Variants in HTRA3 observed in about 807,000 individuals in gnomAD.
HTRA3 encodes serine protease HTRA3.
In HTRA3, 41 loss-of-function variants were observed where a neutral mutation model predicts 43.2. The ratio of observed to expected loss-of-function variants is 0.95; its 90% confidence interval spans 0.74 to 1.23. HTRA3 has a LOEUF of 1.23. HTRA3 is among the 50% of genes most tolerant of loss of function. The probability of loss-of-function intolerance (pLI) is 0.00; values close to 1 mark genes in which losing one functional copy is unlikely to be tolerated. For synonymous variants in HTRA3, 295 were observed against 287.9 expected (o/e 1.02, Z -0.25); for missense variants, 628 against 647.1 (o/e 0.97, Z 0.32).
Position 8,295,253 on chromosome 4 carries a change from A to G in HTRA3, c.1051+1052A>G, listed in dbSNP as rs901545747. On this transcript the variant is annotated intron_variant, in intron 6 of 8. Transcript: ENST00000307358. The surrounding 1 kb of genome is among the most constrained non-coding windows in gnomAD (Gnocchi z 6.9). ...TACTTCCTCTTCCAGCCTGTGGCCCATGGAGATCACATGGTAGAATATCCT... is the reference window on the plus strand; with the variant it reads ...TACTTCCTCTTCCAGCCTGTGGCCCGTGGAGATCACATGGTAGAATATCCT... 6.6e-6 allele frequency among the ~76,000 whole-genome samples: 1 copy of G among 152,020 alleles called. No homozygotes were observed. Among genetic ancestry groups the G allele is most frequent in the African/African-American group, 2.4e-5 (1 of 41,384 alleles).
intron 8 of HTRA3, 29 bp downstream of exon 8, chr4:8,304,308 G>A (rs1388957290): frequency 6.3e-7 from 1 of 1,583,940 alleles, no homozygotes; most frequent in South Asian, 1.1e-5. Context: ...GATCGCTCGA[G>A]GCATGGGGCA....
chr4:8,285,680 T>C (rs1467442544), intron 2 of HTRA3, among the ~76,000 whole-genome samples: 1 of 152,214 alleles, frequency 6.6e-6, no homozygotes, highest in African/African-American at 2.4e-5. Context: ...GGGGCTGTGG[T>C]TTCTACTCAG....
rs1023161958 is a variant in HTRA3 at position 8,269,890 on chromosome 4, C to T, written c.-79C>T. On this transcript the variant is annotated 5_prime_UTR_variant, in exon 1 of 9. Coordinates refer to ENST00000307358, the MANE Select transcript of HTRA3 (RefSeq NM_053044.5). ...GTCCCATCCGTAGGCGCCCGGCGCC[C>T]GGCCCCGCAGCGGCCTCGTTGTCCC... 1.0e-5 allele frequency: 7 copies of T among 702,762 alleles called. No homozygotes were observed. The highest frequency in any genetic ancestry group is 6.1e-5 in the South Asian group (1 of 16,340). The allele number at this position is 702,762 out of a possible 1,614,324, so 43.5% of individuals were successfully genotyped here.
Position 8,280,000 on chromosome 4 carries a change from G to A in HTRA3, c.386-2437G>A, listed in dbSNP as rs1054281834. 5.9e-5 allele frequency among the ~76,000 whole-genome samples: 9 copies of A among 152,148 alleles called. No individual in the cohort carries two copies. The highest frequency in any genetic ancestry group is 1.4e-4 in the African/African-American group (6 of 41,426). Reference sequence around the variant, plus strand: ...TAAGGCTGTGAGCAGCGGCAGATTCGGTACAACTGGGGCTGCTGCGGGGCT... The same window carrying A: ...TAAGGCTGTGAGCAGCGGCAGATTCAGTACAACTGGGGCTGCTGCGGGGCT... On this transcript the variant is annotated intron_variant, in intron 1 of 8. Coordinates refer to ENST00000307358, the MANE Select transcript of HTRA3 (RefSeq NM_053044.5). This position sits in a 1 kb window ranked among gnomAD's most constrained non-coding sequence, Gnocchi z 7.4.
At chr4:8,302,821 G>A (rs536190918) in intron 7 of HTRA3, among the ~76,000 whole-genome samples, 2 of 152,378 alleles carry the variant, frequency 1.3e-5, no homozygotes, top group South Asian at 4.1e-4. Flanking sequence ...GGGATCTGAA[G>A]TCAAGGGGTC....
At position 8,296,327 on chromosome 4, in the gene HTRA3, T is replaced by C. The variant is rs754092881; in HGVS notation, c.1051+2126T>C. On this transcript the variant is annotated intron_variant, in intron 6 of 8. Coordinates refer to ENST00000307358, the MANE Select transcript of HTRA3 (RefSeq NM_053044.5). This position sits in a 1 kb window ranked among gnomAD's most constrained non-coding sequence, Gnocchi z 5.3. ...GAAATATCCCCTGTCCTCAGAGCTG[T>C]GTCCCCTCCCCAAGGACAGTGCAGA... 3.2e-4 allele frequency: 319 copies of C among 985,474 alleles called. No homozygotes were observed. Among genetic ancestry groups the C allele is most frequent in the Non-Finnish European group, 3.7e-4 (311 of 829,956 alleles). 61.0% of individuals were successfully genotyped at this position (985,474 alleles called of 1,614,324 possible).
chr4:8,272,494 C>T (rs549963111), intron 1 of HTRA3, among the ~76,000 whole-genome samples: 10 of 152,316 alleles, frequency 6.6e-5, no homozygotes, highest in South Asian at 2.1e-4. Context: ...ACTTGCTCAC[C>T]GTGAGTTTCC....
chr4:8,295,919 G>A lies in HTRA3; in HGVS notation c.1051+1718G>A. The A allele has an allele frequency of 8.1e-7, 1 of 1,227,022 alleles. No individual in the cohort carries two copies. Among genetic ancestry groups the A allele is most frequent in the Non-Finnish European group, 1.0e-6 (1 of 983,028 alleles). The allele number at this position is 1,227,022 out of a possible 1,614,324, so 76.0% of individuals were successfully genotyped here. A position where few individuals can be genotyped will look rare whatever the true frequency, so the allele number is the denominator to read the frequency against. On this transcript the variant is annotated intron_variant, in intron 6 of 8. Transcript: ENST00000307358. The surrounding 1 kb of genome is among the most constrained non-coding windows in gnomAD (Gnocchi z 6.9). ...GCCTGTCTTTCCCAAAGAAGCTGAAGTCTTCTTCTCTTGAACAGTGGGGAC... is the reference window on the plus strand; with the variant it reads ...GCCTGTCTTTCCCAAAGAAGCTGAAATCTTCTTCTCTTGAACAGTGGGGAC...
chr4:8,292,402 C>T lies in HTRA3; in HGVS notation c.936+49C>T, dbSNP rs138967430. On this transcript the variant is annotated intron_variant, in intron 5 of 8. Transcript: ENST00000307358. ...TCTCTCAGGTTTCTGGGGTTCTTCTCACATGGGGGTGCTCAGCCTTGAGGT... is the reference window on the plus strand; with the variant it reads ...TCTCTCAGGTTTCTGGGGTTCTTCTTACATGGGGGTGCTCAGCCTTGAGGT... The T allele has an allele frequency of 5.3e-5, 80 of 1,506,928 alleles. No homozygotes were observed. The African/African-American group carries it at 8.0e-4, about 15-fold the overall frequency. The allele number at this position is 1,506,928 out of a possible 1,614,324, so 93.3% of individuals were successfully genotyped here.
Position 8,295,686 on chromosome 4 carries a change from TC to T in HTRA3, c.1051+1487del. 1.4e-6 allele frequency: 2 copies of T among 1,419,516 alleles called. No homozygotes were observed. Among genetic ancestry groups the T allele is most frequent in the South Asian group, 3.1e-5 (2 of 64,578 alleles). The allele number at this position is 1,419,516 out of a possible 1,614,324, so 87.9% of individuals were successfully genotyped here. A position where few individuals can be genotyped will look rare whatever the true frequency, so the allele number is the denominator to read the frequency against. On this transcript the variant is annotated intron_variant, in intron 6 of 8. Coordinates refer to ENST00000307358, the MANE Select transcript of HTRA3 (RefSeq NM_053044.5). This position sits in a 1 kb window ranked among gnomAD's most constrained non-coding sequence, Gnocchi z 6.9. ...CACACTTCCACATTGCTTTGCTGTC[TC>T]CTCCCAGCCCCCTCACTGGCAGTTC... is the stretch of plus-strand genomic sequence containing the variant.
chr4:8,288,819 C>A (rs1024695235), intron 3 of HTRA3, among the ~76,000 whole-genome samples: 2 of 151,830 alleles, frequency 1.3e-5, no homozygotes, highest in African/African-American at 4.8e-5. Context: ...TGATCCCCTG[C>A]CTTGGCCTCC....
Position 8,295,620 on chromosome 4 carries a change from T to C in HTRA3, c.1051+1419T>C, listed in dbSNP as rs1713426974. The C allele has an allele frequency of 1.0e-5, 12 of 1,153,452 alleles. No individual in the cohort carries two copies. Among genetic ancestry groups the C allele is most frequent in the Non-Finnish European group, 1.4e-5 (12 of 883,582 alleles). 71.5% of individuals were successfully genotyped at this position (1,153,452 alleles called of 1,614,324 possible). On this transcript the variant is annotated intron_variant, in intron 6 of 8. Coordinates refer to ENST00000307358, the MANE Select transcript of HTRA3 (RefSeq NM_053044.5). This position sits in a 1 kb window ranked among gnomAD's most constrained non-coding sequence, Gnocchi z 6.9. ...CTCCCTCCTGCCATTGTGTCTCCTG[T>C]GCCCACCTCCTGGCCAACGCCCAGG...
chr4:8,298,858 G>A (rs1713545462), intron 6 of HTRA3, among the ~76,000 whole-genome samples: 1 of 152,200 alleles, frequency 6.6e-6, no homozygotes, highest in Admixed American at 6.5e-5. Flanking sequence ...ATTCAGTACT[G>A]CACTGGCCCG....
chr4:8,291,865 A>G (rs753330057), intron 4 of HTRA3, among the ~76,000 whole-genome samples: 1 of 152,146 alleles, frequency 6.6e-6, no homozygotes, highest in Non-Finnish European at 1.5e-5. Flanking sequence ...CCTGGCCAAC[A>G]TTGCTTTTCA....
At chr4:8,300,000 C>T (rs1210750786) in intron 6 of HTRA3, among the ~76,000 whole-genome samples, 1 of 152,042 alleles carries the variant, frequency 6.6e-6, no homozygotes, top group Non-Finnish European at 1.5e-5. Flanking sequence ...CGATCATGCC[C>T]AGCTAATTTT....
At position 8,270,359 on chromosome 4, in the gene HTRA3, C is replaced by T. The variant is rs1712216666; in HGVS notation, c.385+6C>T. The T allele has an allele frequency of 2.1e-6, 3 of 1,397,628 alleles. No homozygotes were observed. The highest frequency in any genetic ancestry group is 2.8e-6 in the Non-Finnish European group (3 of 1,082,162). The allele number at this position is 1,397,628 out of a possible 1,614,324, so 86.6% of individuals were successfully genotyped here. A position where few individuals can be genotyped will look rare whatever the true frequency, so the allele number is the denominator to read the frequency against. ...GAAGGGCGCCTGCCCGTTGGGTAAGCGCTCGGGGGCCAGGGAGGAAGTGAA... is the reference window on the plus strand; with the variant it reads ...GAAGGGCGCCTGCCCGTTGGGTAAGTGCTCGGGGGCCAGGGAGGAAGTGAA... On this transcript the variant is annotated splice_donor_region_variant and intron_variant, in intron 1 of 8. Coordinates refer to ENST00000307358, the MANE Select transcript of HTRA3 (RefSeq NM_053044.5).
chr4:8,272,465 G>A (rs1376296317), intron 1 of HTRA3, among the ~76,000 whole-genome samples: 5 of 152,194 alleles, frequency 3.3e-5, no homozygotes, highest in Admixed American at 6.5e-5. Context: ...ACCTCTTCCC[G>A]ATGAGGTGAC....
chr4:8,296,908 C>T lies in HTRA3; in HGVS notation c.1051+2707C>T, dbSNP rs1359773671. On this transcript the variant is annotated intron_variant, in intron 6 of 8. Coordinates refer to ENST00000307358, the MANE Select transcript of HTRA3 (RefSeq NM_053044.5). This position sits in a 1 kb window ranked among gnomAD's most constrained non-coding sequence, Gnocchi z 5.3. ...CTCAGACATCACAGAGTTCCCAGAT[C>T]TCTGACATCACAGGATTCCTCGATC... Among the ~76,000 whole-genome samples the T allele has an allele frequency of 6.6e-6, 1 of 152,166 alleles. No individual in the cohort carries two copies. The highest frequency in any genetic ancestry group is 1.5e-5 in the Non-Finnish European group (1 of 68,038).
At chr4:8,280,050 C>T (rs573195972) in intron 1 of HTRA3, among the ~76,000 whole-genome samples, 9 of 152,182 alleles carry the variant, frequency 5.9e-5, no homozygotes, top group South Asian at 4.2e-4. Context: ...GGATTAGGGC[C>T]GGGCCCAGGA....
Sources: gnomAD v4.1 joint callset for allele counts (sites outside exome capture counted in the v4.1 genomes callset) on GRCh38, gnomAD v4.1.1 for gene constraint, Gnocchi (gnomAD v3.1) non-coding constraint, MANE v1.5 for transcripts, NCBI Gene and HGNC (gene_info 2026-07-23, HGNC 2026-07-21) for gene names.